Variants in NDUFAF2 observed in about 807,000 individuals in gnomAD.
NDUFAF2 encodes the protein NADH:ubiquinone oxidoreductase complex assembly factor 2.
Under a neutral mutation model 22.8 loss-of-function variants are expected in NDUFAF2, and 13 were observed. The observed-to-expected ratio is 0.57, with a 90% CI of 0.37 to 0.91. The LOEUF (loss-of-function observed/expected upper bound fraction) is 0.91. NDUFAF2 is among the 40% of genes least tolerant of loss of function. The pLI is 0.01. For missense variants in NDUFAF2, 162 were observed against 195.2 expected (o/e 0.83, Z 1.01); for synonymous variants, 53 against 64.2 (o/e 0.83, Z 0.84).
chr5:61,001,275 A>G (rs969016608), intron 1 of NDUFAF2, among the ~76,000 whole-genome samples: 2 of 152,120 alleles, frequency 1.3e-5, no homozygotes, highest in African/African-American at 2.4e-5. Flanking sequence ...CTTTTAGGTT[A>G]TATTTGTCTT....
intron 1 of NDUFAF2, among the ~76,000 whole-genome samples, chr5:61,001,751 A>G (rs910602579): frequency 6.6e-6 from 1 of 152,118 alleles, no homozygotes; most frequent in Admixed American, 6.6e-5. Flanking sequence ...TTTAGGTACT[A>G]ACCTCAGGGT....
chr5:61,063,735 C>A (rs1393540529), intron 1 of NDUFAF2, among the ~76,000 whole-genome samples: 5 of 151,898 alleles, frequency 3.3e-5, no homozygotes, highest in Admixed American at 2.0e-4. Context: ...AAAACTACAG[C>A]AGATAGATGA....
At chr5:61,117,986 C>G (rs1354207939) in intron 3 of NDUFAF2, among the ~76,000 whole-genome samples, 1 of 152,168 alleles carries the variant, frequency 6.6e-6, no homozygotes, top group Admixed American at 6.5e-5. Flanking sequence ...TACACAAAGA[C>G]TTCCTATGGG....
chr5:61,080,670 T>C lies in NDUFAF2; in HGVS notation c.217+7456T>C, dbSNP rs184598964. Among the ~76,000 whole-genome samples the C allele has an allele frequency of 3.9e-5, 6 of 152,256 alleles. No individual in the cohort carries two copies. The East Asian group carries it at 5.8e-4, about 15-fold the overall frequency. On this transcript the variant is annotated intron_variant, in intron 2 of 3. Coordinates refer to ENST00000296597, the MANE Select transcript of NDUFAF2 (RefSeq NM_174889.5). ...GTATATCTTCTTTGGTGTACTTTTA[T>C]ATCTTTTTGCCCAGAATTTTTTTAA... is the stretch of plus-strand genomic sequence containing the variant.
intron 1 of NDUFAF2, among the ~76,000 whole-genome samples, chr5:60,962,047 G>A (rs924255896): frequency 6.6e-6 from 1 of 151,258 alleles, no homozygotes. Flanking sequence ...AATACAAATT[G>A]TATATATTTA....
chr5:61,000,548 C>T (rs947944717), intron 1 of NDUFAF2, among the ~76,000 whole-genome samples: 25 of 152,126 alleles, frequency 1.6e-4, no homozygotes, highest in Admixed American at 3.3e-4. Flanking sequence ...TGTTAATTAT[C>T]TATCTCTAAC....
At chr5:60,970,026 T>C (rs1750807469) in intron 1 of NDUFAF2, among the ~76,000 whole-genome samples, 1 of 152,158 alleles carries the variant, frequency 6.6e-6, no homozygotes, top group African/African-American at 2.4e-5. Flanking sequence ...TGAAAATGAG[T>C]TCACTGTAGG....
intron 3 of NDUFAF2, among the ~76,000 whole-genome samples, chr5:61,132,289 A>G (rs965614199): frequency 2.0e-5 from 3 of 152,186 alleles, no homozygotes; most frequent in African/African-American, 7.2e-5. Context: ...GATTGTGTAC[A>G]TGAATAAGTG....
intron 1 of NDUFAF2, among the ~76,000 whole-genome samples, chr5:61,006,372 G>C (rs1004860314): frequency 3.3e-5 from 5 of 152,162 alleles, no homozygotes; most frequent in Admixed American, 2.6e-4. Context: ...AAGTCAGGTA[G>C]CGTGATGCCT....
At chr5:60,960,491 C>T (rs936029296) in intron 1 of NDUFAF2, among the ~76,000 whole-genome samples, 1 of 152,162 alleles carries the variant, frequency 6.6e-6, no homozygotes, top group Non-Finnish European at 1.5e-5. Context: ...TTCATACTCC[C>T]TCACTTTTCA....
At chr5:61,119,825 G>A (rs1752954992) in intron 3 of NDUFAF2, among the ~76,000 whole-genome samples, 1 of 152,022 alleles carries the variant, frequency 6.6e-6, no homozygotes, top group South Asian at 2.1e-4. Flanking sequence ...GCACTTTTGG[G>A]ACTCTCTGGC....
At chr5:60,988,860 G>A (rs1359689316) in intron 1 of NDUFAF2, among the ~76,000 whole-genome samples, 3 of 152,144 alleles carry the variant, frequency 2.0e-5, no homozygotes, top group Admixed American at 6.5e-5. Context: ...TCTGGACATA[G>A]GAACTGGCAA....
chr5:60,964,452 C>CTT (rs750442889), intron 1 of NDUFAF2, among the ~76,000 whole-genome samples: 11 of 139,594 alleles, frequency 7.9e-5, no homozygotes, highest in Admixed American at 7.2e-5. Context: ...GTGTACAACA[C>CTT]TTTTTTTTTT....
chr5:61,019,264 C>G (rs1012978526), intron 1 of NDUFAF2, among the ~76,000 whole-genome samples: 2 of 152,056 alleles, frequency 1.3e-5, no homozygotes, highest in Non-Finnish European at 2.9e-5. Context: ...TAGTACCCAT[C>G]ATCATAGTGT....
intron 2 of NDUFAF2, among the ~76,000 whole-genome samples, chr5:61,086,451 T>C (rs1418424266): frequency 6.6e-6 from 1 of 152,106 alleles, no homozygotes; most frequent in African/African-American, 2.4e-5. Context: ...TAAGGATAAT[T>C]ATACAATTAA....
chr5:61,062,730 C>T (rs1414765045), intron 1 of NDUFAF2, among the ~76,000 whole-genome samples: 2 of 152,102 alleles, frequency 1.3e-5, no homozygotes, highest in South Asian at 2.1e-4. Context: ...TAGATTGAAC[C>T]CAAAGAGCTC....
At chr5:61,052,531 C>T (rs1341160468) in intron 1 of NDUFAF2, among the ~76,000 whole-genome samples, 2 of 152,036 alleles carry the variant, frequency 1.3e-5, no homozygotes, top group Admixed American at 6.5e-5. Context: ...AGGATGGTCT[C>T]GATCTCCTGA....
At chr5:61,078,584 A>G (rs1752398143) in intron 2 of NDUFAF2, among the ~76,000 whole-genome samples, 1 of 152,172 alleles carries the variant, frequency 6.6e-6, no homozygotes, top group Non-Finnish European at 1.5e-5. Flanking sequence ...TACCAAAAAT[A>G]CAAAAAATTA....
At chr5:60,974,392 C>T (rs1025326053) in intron 1 of NDUFAF2, among the ~76,000 whole-genome samples, 6 of 152,262 alleles carry the variant, frequency 3.9e-5, no homozygotes, top group Admixed American at 2.6e-4. Context: ...TTTTGGGACT[C>T]GACTGGCTTC....
Sources: gnomAD v4.1 joint callset for allele counts (sites outside exome capture counted in the v4.1 genomes callset) on GRCh38, gnomAD v4.1.1 for gene constraint, MANE v1.5 for transcripts, NCBI Gene and HGNC (gene_info 2026-07-23, HGNC 2026-07-21) for gene names.